The following FAM178B variants were observed in gnomAD, a reference collection of about 807,000 sequenced individuals.
The protein encoded by FAM178B is protein FAM178B.
FAM178B carries 82 observed loss-of-function variants against 91.7 expected under a neutral mutation model. That is an observed-to-expected ratio of 0.89 (90% CI 0.75 to 1.07). The LOEUF is 1.07. Ranked by LOEUF, FAM178B falls within the 50% of genes least tolerant of loss-of-function variation. The pLI is 0.00. For missense variants in FAM178B, 769 were observed against 846.7 expected (o/e 0.91, Z 1.14); for synonymous variants, 368 against 359.4 (o/e 1.02, Z -0.27).
chr2:96,949,693 A>T (rs1027468377), intron 7 of FAM178B, among the ~76,000 whole-genome samples: 1 of 152,130 alleles, frequency 6.6e-6, no homozygotes, highest in Admixed American at 6.5e-5. Context: ...AAGCCAGTGC[A>T]CCCCTTTCAT....
At chr2:96,908,730 TG>T (rs1224799318) in intron 12 of FAM178B, among the ~76,000 whole-genome samples, 2 of 152,194 alleles carry the variant, frequency 1.3e-5, no homozygotes, top group African/African-American at 4.8e-5. Flanking sequence ...ACCTATGATA[TG>T]GGTCCTTCCA....
intron 12 of FAM178B, among the ~76,000 whole-genome samples, chr2:96,907,222 T>G (rs1189761050): frequency 6.6e-6 from 1 of 152,158 alleles, no homozygotes; most frequent in African/African-American, 2.4e-5. Flanking sequence ...CCTGCATTCT[T>G]AGTTCCCACT....
chr2:96,921,898 G>A (rs1035878826), intron 10 of FAM178B, among the ~76,000 whole-genome samples: 2 of 152,096 alleles, frequency 1.3e-5, no homozygotes, highest in Non-Finnish European at 2.9e-5. Context: ...TAGGGGCTGG[G>A]TAAAACAAGG....
intron 12 of FAM178B, among the ~76,000 whole-genome samples, chr2:96,913,502 G>C (rs2081192852): frequency 6.6e-6 from 1 of 152,230 alleles, no homozygotes; most frequent in African/African-American, 2.4e-5. Context: ...CCCACAGTGA[G>C]GAAGTGAACA....
At chr2:96,972,937 C>A (rs1292342101) in intron 1 of FAM178B, among the ~76,000 whole-genome samples, 1 of 151,876 alleles carries the variant, frequency 6.6e-6, no homozygotes. Context: ...CCTGCCTCAG[C>A]CTCCCAAGTA....
intron 1 of FAM178B, among the ~76,000 whole-genome samples, chr2:96,982,548 C>T (rs1339097081): frequency 1.3e-5 from 2 of 152,084 alleles, no homozygotes; most frequent in Non-Finnish European, 2.9e-5. Flanking sequence ...CAGGCATGAG[C>T]CACCGCACCT....
chr2:96,973,536 C>T (rs149388440), intron 1 of FAM178B, among the ~76,000 whole-genome samples: 3 of 152,104 alleles, frequency 2.0e-5, no homozygotes, highest in Non-Finnish European at 2.9e-5. Context: ...CCCATTGGAT[C>T]GGACCCAGGC....
In FAM178B at chr2:96,925,302, G is replaced by A. The variant is rs549062274; in HGVS notation, c.1194-1719C>T. ...TGTGTTTTTTGAGCTGCAGAGAGGAGTGTGGCTGTGGGGAGAGCCCTGTCC... is the reference window on the plus strand; with the variant it reads ...TGTGTTTTTTGAGCTGCAGAGAGGAATGTGGCTGTGGGGAGAGCCCTGTCC... On this transcript the variant is annotated intron_variant, in intron 9 of 16. Coordinates refer to ENST00000490605, the MANE Select transcript of FAM178B (RefSeq NM_001122646.3). Among the ~76,000 whole-genome samples the A allele has an allele frequency of 1.4e-4, 22 of 152,336 alleles. No individual in the cohort carries two copies. In the East Asian group the frequency reaches 2.9e-3, roughly 20 times the overall value.
At chr2:96,957,635 C>T (rs1429063787) in intron 6 of FAM178B, among the ~76,000 whole-genome samples, 1 of 152,230 alleles carries the variant, frequency 6.6e-6, no homozygotes. Flanking sequence ...AGAAAACCTG[C>T]TGTCGGCACA....
chr2:96,880,803 C>T (rs893451682), intron 14 of FAM178B, among the ~76,000 whole-genome samples: 1 of 152,126 alleles, frequency 6.6e-6, no homozygotes, highest in Non-Finnish European at 1.5e-5. Context: ...ACCGTGTTAG[C>T]CAGGATGGCC....
At chr2:96,965,034 C>T (rs1226598989) in intron 5 of FAM178B, among the ~76,000 whole-genome samples, 1 of 152,210 alleles carries the variant, frequency 6.6e-6, no homozygotes, top group Non-Finnish European at 1.5e-5. Context: ...GAGTCTCGCT[C>T]TGTCGCCCAG....
At chr2:96,905,841 T>C (rs537337480) in intron 12 of FAM178B, among the ~76,000 whole-genome samples, 9 of 29,620 alleles carry the variant, frequency 3.0e-4, no homozygotes, top group Non-Finnish European at 4.0e-4. Flanking sequence ...TATATATATA[T>C]ATATATATAT....
chr2:96,882,176 A>G (rs1391007820), intron 14 of FAM178B, among the ~76,000 whole-genome samples: 2 of 152,206 alleles, frequency 1.3e-5, no homozygotes, highest in African/African-American at 4.8e-5. Flanking sequence ...GACAACAAGC[A>G]AGGTGTCCCC....
intron 1 of FAM178B, among the ~76,000 whole-genome samples, chr2:96,982,041 T>G (rs1377880369): frequency 1.3e-5 from 2 of 152,082 alleles, no homozygotes; most frequent in African/African-American, 4.8e-5. Flanking sequence ...CACTCCAGCC[T>G]GGGTGACAAA....
chr2:96,985,178 C>G (rs568883585), intron 1 of FAM178B, among the ~76,000 whole-genome samples: 12 of 152,204 alleles, frequency 7.9e-5, no homozygotes, highest in Non-Finnish European at 1.6e-4. Flanking sequence ...CCCAGTCAAA[C>G]AGGAGACAGC....
chr2:96,938,213 C>G (rs2081664914), intron 8 of FAM178B, among the ~76,000 whole-genome samples: 1 of 152,204 alleles, frequency 6.6e-6, no homozygotes, highest in African/African-American at 2.4e-5. Flanking sequence ...CCTGGAGCAT[C>G]TCAGCCCCAG....
Position 96,878,499 on chromosome 2 carries a change from G to A in FAM178B, c.1777-6C>T, listed in dbSNP as rs2080302266. 2 of 1,613,590 alleles carry A rather than the reference G, an allele frequency of 1.2e-6. No homozygotes were observed. The highest frequency in any genetic ancestry group is 1.7e-6 in the Non-Finnish European group (2 of 1,179,942). On this transcript the variant is annotated splice_polypyrimidine_tract_variant and splice_region_variant and intron_variant, in intron 14 of 16. Transcript: ENST00000490605. ...CTGTGGCACAGGTAGCAGGCCTGGA[G>A]GGAGAGCACAGGGAGAGCTGCTTCT...
At chr2:96,891,007 T>C (rs759173082) in intron 14 of FAM178B, among the ~76,000 whole-genome samples, 16 of 152,188 alleles carry the variant, frequency 1.1e-4, no homozygotes, top group Admixed American at 3.3e-4. Flanking sequence ...CTCTTCAAAA[T>C]GCTAAAAACG....
chr2:96,923,649 G>C, intron 9 of FAM178B, 66 bp from the exon 10 acceptor site: 1 of 1,211,234 alleles, frequency 8.3e-7, no homozygotes, highest in Non-Finnish European at 1.2e-6. Flanking sequence ...GGAGTGAGGC[G>C]CAAAGTGGGA....
Sources: gnomAD v4.1 joint callset for allele counts (sites outside exome capture counted in the v4.1 genomes callset) on GRCh38, gnomAD v4.1.1 for gene constraint, MANE v1.5 for transcripts, NCBI Gene and HGNC (gene_info 2026-07-23, HGNC 2026-07-21) for gene names.